The following RFC4 variants were observed in gnomAD, a reference collection of about 807,000 sequenced individuals.
RFC4 encodes A1 37 kDa subunit.
Under a neutral mutation model 47.6 loss-of-function variants are expected in RFC4, and 38 were observed. The observed-to-expected ratio is 0.80, with a 90% confidence interval of 0.62 to 1.05. RFC4 has a LOEUF of 1.05. Ranked by LOEUF, RFC4 falls within the 50% of genes least tolerant of loss-of-function variation. The probability of loss-of-function intolerance (pLI) is 0.00; values close to 1 mark genes in which losing one functional copy is unlikely to be tolerated. For synonymous variants in RFC4, 164 were observed against 150.0 expected (o/e 1.09, Z -0.68); for missense variants, 489 against 434.0 (o/e 1.13, Z -1.13).
chr3:186,790,454 GACAT>G, intron 8 of RFC4, 48 bp from the exon 9 acceptor site: 2 of 1,339,476 alleles, frequency 1.5e-6, no homozygotes, highest in African/African-American at 2.9e-5. Flanking sequence ...GGTGAGACTA[GACAT>G]ACACTCTGCC....
chr3:186,805,329 T>C (rs1722454961), intron 1 of RFC4, among the ~76,000 whole-genome samples: 1 of 152,150 alleles, frequency 6.6e-6, no homozygotes, highest in Admixed American at 6.6e-5. Context: ...CCTGTCATCT[T>C]CCCACTTCAG....
In RFC4 at chr3:186,793,044, A is replaced by G. The variant is rs1056012249; in HGVS notation, c.411-97T>C. The G allele has an allele frequency of 2.7e-5, 27 of 985,036 alleles. No individual in the cohort carries two copies. Among genetic ancestry groups the G allele is most frequent in the South Asian group, 1.8e-5 (1 of 55,516 alleles). The allele number at this position is 985,036 out of a possible 1,614,324, so 61.0% of individuals were successfully genotyped here. A position where few individuals can be genotyped will look rare whatever the true frequency, so the allele number is the denominator to read the frequency against. ...CACGTACCATACAATTCACCCATTT[A>G]AAATGTACAATTCAGTGTTTTTCTG... On this transcript the variant is annotated intron_variant, in intron 5 of 10. Transcript: ENST00000296273. This position sits in a 1 kb window ranked among gnomAD's most constrained non-coding sequence, Gnocchi z 4.2.
chr3:186,801,060 G>T, intron 3 of RFC4, 57 bp downstream of exon 3: 2 of 1,240,878 alleles, frequency 1.6e-6, no homozygotes, highest in Non-Finnish European at 2.4e-6. Context: ...GAAGAAAGAG[G>T]GTGAATAAAT....
chr3:186,789,964 T>G lies in RFC4; in HGVS notation c.*5A>C. On this transcript the variant is annotated 3_prime_UTR_variant, in exon 11 of 11. Transcript: ENST00000296273. ...TACAAAACCCCCCATCCAGATATAT[T>G]CACGTTAACAATTCTGAGATAACTG... 1.3e-6 allele frequency: 2 copies of G among 1,573,072 alleles called. No individual in the cohort carries two copies. Among genetic ancestry groups the G allele is most frequent in the Non-Finnish European group, 1.7e-6 (2 of 1,143,546 alleles).
chr3:186,798,814 T>C (rs1722295618), intron 3 of RFC4, among the ~76,000 whole-genome samples: 2 of 152,216 alleles, frequency 1.3e-5, no homozygotes, highest in Admixed American at 6.5e-5. Flanking sequence ...TGCATTGGTT[T>C]ATTGTTATTT....
At chr3:186,799,335 T>C (rs1276065974) in intron 3 of RFC4, among the ~76,000 whole-genome samples, 1 of 152,176 alleles carries the variant, frequency 6.6e-6, no homozygotes, top group Non-Finnish European at 1.5e-5. Context: ...CTTTACTCTT[T>C]TGAATTAAAA....
At chr3:186,799,630 T>C (rs959457205) in intron 3 of RFC4, among the ~76,000 whole-genome samples, 2 of 152,090 alleles carry the variant, frequency 1.3e-5, no homozygotes, top group African/African-American at 4.8e-5. Flanking sequence ...GGAGGATCAC[T>C]TGAGCCTGGG....
chr3:186,804,402 T>C (rs1722429819), intron 2 of RFC4, among the ~76,000 whole-genome samples, 181 bp downstream of exon 2: 1 of 151,940 alleles, frequency 6.6e-6, no homozygotes, highest in African/African-American at 2.4e-5. Context: ...TAAACTAGAT[T>C]ATTCTCAGGT....
In RFC4 at chr3:186,801,200, C is replaced by T. The variant is rs778205938; in HGVS notation, c.132-5G>A. On this transcript the variant is annotated splice_region_variant and splice_polypyrimidine_tract_variant and intron_variant, in intron 2 of 10. Coordinates refer to ENST00000296273, the MANE Select transcript of RFC4 (RefSeq NM_002916.5). ...TCATCCACACATTTTGGGCGACTTG[C>T]GGGGTGAGAAGGAGGAAAGAGGTTA... 6.2e-6 allele frequency: 10 copies of T among 1,612,530 alleles called. No individual in the cohort carries two copies. Among genetic ancestry groups the T allele is most frequent in the Admixed American group, 3.3e-5 (2 of 59,966 alleles).
chr3:186,799,888 A>C (rs1000839969), intron 3 of RFC4, among the ~76,000 whole-genome samples: 2 of 152,164 alleles, frequency 1.3e-5, no homozygotes, highest in Non-Finnish European at 2.9e-5. Flanking sequence ...CCAAAAAATA[A>C]AATGCTATAC....
intron 1 of RFC4, chr3:186,804,970 T>G: frequency 2.9e-6 from 1 of 346,442 alleles, no homozygotes; most frequent in Non-Finnish European, 5.2e-6. Flanking sequence ...GAACTTAGAA[T>G]CTATTTCTAG....
At chr3:186,794,417 CT>C (rs1419213686) in intron 5 of RFC4, among the ~76,000 whole-genome samples, 3 of 152,144 alleles carry the variant, frequency 2.0e-5, no homozygotes, top group African/African-American at 7.2e-5. Context: ...TTGAAATGTG[CT>C]CATGTAAAAT....
intron 2 of RFC4, 129 bp from the exon 3 acceptor site, chr3:186,801,324 T>C (rs1722346948): frequency 2.9e-6 from 2 of 695,778 alleles, no homozygotes; most frequent in Non-Finnish European, 5.1e-6. Context: ...GAGAAACTTT[T>C]TCATAATCGG....
At chr3:186,802,434 A>G (rs1223732418) in intron 2 of RFC4, among the ~76,000 whole-genome samples, 3 of 152,230 alleles carry the variant, frequency 2.0e-5, no homozygotes, top group African/African-American at 7.2e-5. Flanking sequence ...TATTTTGGTT[A>G]ATGTAGTTAC....
chr3:186,791,099 T>C (rs973876961), intron 8 of RFC4, among the ~76,000 whole-genome samples: 4 of 152,254 alleles, frequency 2.6e-5, no homozygotes, highest in African/African-American at 9.6e-5. Flanking sequence ...TGGATATGCC[T>C]TTTGTTTATA....
chr3:186,790,545 G>T, intron 8 of RFC4, 139 bp from the exon 9 acceptor site: 1 of 684,020 alleles, frequency 1.5e-6, no homozygotes, highest in Non-Finnish European at 2.6e-6. Context: ...TTGGGAGAAC[G>T]GAAAGGGCCA....
Position 186,804,481 on chromosome 3 carries a change from G to A in RFC4, c.131+102C>T, listed in dbSNP as rs1402386154. 6 of 1,199,062 alleles carry A rather than the reference G, an allele frequency of 5.0e-6. 1 individual carries two copies. Among genetic ancestry groups the A allele is most frequent in the Non-Finnish European group, 7.0e-6 (6 of 857,838 alleles). The allele number at this position is 1,199,062 out of a possible 1,614,324, so 74.3% of individuals were successfully genotyped here. A position where few individuals can be genotyped will look rare whatever the true frequency, so the allele number is the denominator to read the frequency against. On this transcript the variant is annotated intron_variant, in intron 2 of 10. Coordinates refer to ENST00000296273, the MANE Select transcript of RFC4 (RefSeq NM_002916.5). Reference sequence around the variant, plus strand: ...TTTTTTCAAAGACAACTTCTAAACAGAACAAAGCATTCCTCCATAAGTTAA... The same window carrying A: ...TTTTTTCAAAGACAACTTCTAAACAAAACAAAGCATTCCTCCATAAGTTAA...
chr3:186,801,346 A>AC (rs750378652), intron 2 of RFC4, 151 bp from the exon 3 acceptor site: 133 of 631,494 alleles, frequency 2.1e-4, no homozygotes, highest in Non-Finnish European at 3.2e-4. Context: ...AATAGGTGGA[A>AC]ACCCCACTTG....
Position 186,793,039 on chromosome 3 carries a change from C to G in RFC4, c.411-92G>C. ...AGATACACGTACCATACAATTCACC[C>G]ATTTAAAATGTACAATTCAGTGTTT... On this transcript the variant is annotated intron_variant, in intron 5 of 10. Coordinates refer to ENST00000296273, the MANE Select transcript of RFC4 (RefSeq NM_002916.5). This position sits in a 1 kb window ranked among gnomAD's most constrained non-coding sequence, Gnocchi z 4.2. The G allele has an allele frequency of 9.6e-7, 1 of 1,036,320 alleles. No homozygotes were observed. The highest frequency in any genetic ancestry group is 1.8e-5 in the South Asian group (1 of 57,052). 64.2% of individuals were successfully genotyped at this position (1,036,320 alleles called of 1,614,324 possible). A position where few individuals can be genotyped will look rare whatever the true frequency, so the allele number is the denominator to read the frequency against.
Sources: allele counts gnomAD v4.1 joint callset (sites outside exome capture counted in the v4.1 genomes callset), GRCh38; gene constraint gnomAD v4.1.1; non-coding constraint Gnocchi (gnomAD v3.1); transcripts MANE v1.5; gene names NCBI Gene and HGNC (gene_info 2026-07-23, HGNC 2026-07-21).